TAB2: variants seen among roughly 807,000 people sequenced by gnomAD.
TAB2 encodes the protein TGF-beta-activated kinase 1 and MAP3K7-binding protein 2.
Under a neutral mutation model 65.0 loss-of-function variants are expected in TAB2, and 3 were observed. The ratio of observed to expected loss-of-function variants is 0.05; its 90% CI spans 0.02 to 0.12. The LOEUF is 0.12. TAB2 is among the 10% of genes least tolerant of loss of function. The pLI is 1.00. For synonymous variants in TAB2, 298 were observed against 285.1 expected (o/e 1.05, Z -0.46); for missense variants, 623 against 840.3 (o/e 0.74, Z 3.20).
rs1782805628 is a variant in TAB2 at position 149,410,289 on chromosome 6, T to C, written c.*570T>C. 6.1e-6 allele frequency: 1 copy of C among 163,544 alleles called. No homozygotes were observed. The highest frequency in any genetic ancestry group is 1.7e-4 in the East Asian group (1 of 5,742). The allele number at this position is 163,544 out of a possible 1,614,324, so 10.1% of individuals were successfully genotyped here. ...GAAGCCAGCATCTAGGGGCTAAAGA[T>C]GCAAAGGAAAGCAGCATGCATTGTC... On this transcript the variant is annotated 3_prime_UTR_variant, in exon 7 of 7. Transcript: ENST00000637181.
chr6:149,341,920 T>A (rs1339169327), intron 1 of TAB2, among the ~76,000 whole-genome samples: 2 of 152,104 alleles, frequency 1.3e-5, no homozygotes, highest in African/African-American at 2.4e-5. Flanking sequence ...CATAAGGACA[T>A]CATTTCCAGG....
chr6:149,397,560 G>T, intron 3 of TAB2, 44 bp from the exon 4 acceptor site: 1 of 1,609,126 alleles, frequency 6.2e-7, no homozygotes, highest in South Asian at 1.1e-5. Context: ...AAGGTTAATT[G>T]ATTAAAGTGG....
chr6:149,296,257 C>T (rs149607654), intron 1 of TAB2, among the ~76,000 whole-genome samples: 5 of 152,266 alleles, frequency 3.3e-5, no homozygotes, highest in African/African-American at 7.2e-5. Flanking sequence ...TGGTTGACCC[C>T]CAGGTTGTAG....
chr6:149,329,506 G>A (rs1288314986), intron 1 of TAB2, among the ~76,000 whole-genome samples: 1 of 152,126 alleles, frequency 6.6e-6, no homozygotes, highest in African/African-American at 2.4e-5. Context: ...GAAAGAGGAA[G>A]ACTTCACTTG....
chr6:149,396,364 T>A (rs1271267364), intron 3 of TAB2, among the ~76,000 whole-genome samples: 2 of 152,180 alleles, frequency 1.3e-5, no homozygotes, highest in South Asian at 2.1e-4. Flanking sequence ...AGAACTCTTC[T>A]TTCATTTTTT....
At chr6:149,405,645 A>C (rs1782638581) in intron 6 of TAB2, among the ~76,000 whole-genome samples, 2 of 152,224 alleles carry the variant, frequency 1.3e-5, no homozygotes, top group Admixed American at 6.5e-5. Context: ...CATAAGCCGG[A>C]GAAAGACAAA....
Position 149,396,790 on chromosome 6 carries a change from A to G in TAB2, c.1604-814A>G, listed in dbSNP as rs34625325. ...TGAATATACAAAAATATAAGTGGCA[A>G]TTGGGATAATTTAATGTTAACATTT... is the stretch of plus-strand genomic sequence containing the variant. On this transcript the variant is annotated intron_variant, in intron 3 of 6. Coordinates refer to ENST00000637181, the MANE Select transcript of TAB2 (RefSeq NM_001292034.3). Among the ~76,000 whole-genome samples the G allele has an allele frequency of 4.8e-3, 737 of 152,384 alleles. 3 individuals carry two copies. The highest frequency in any genetic ancestry group is 9.0e-3 in the Non-Finnish European group (611 of 68,028).
At chr6:149,269,740 T>G (rs1207713438) in intron 1 of TAB2, among the ~76,000 whole-genome samples, 2 of 152,228 alleles carry the variant, frequency 1.3e-5, no homozygotes, top group Non-Finnish European at 2.9e-5. Context: ...TTGGTATATA[T>G]GAGATATAGC....
chr6:149,409,912 C>T lies in TAB2; in HGVS notation c.*193C>T. The T allele has an allele frequency of 1.5e-6, 1 of 659,826 alleles. No homozygotes were observed. The highest frequency in any genetic ancestry group is 2.6e-6 in the Non-Finnish European group (1 of 385,100). 40.9% of individuals were successfully genotyped at this position (659,826 alleles called of 1,614,324 possible). A position where few individuals can be genotyped will look rare whatever the true frequency, so the allele number is the denominator to read the frequency against. On this transcript the variant is annotated 3_prime_UTR_variant, in exon 7 of 7. Transcript: ENST00000637181. ...TATAATGTCATGAGCAGTTGAAATT[C>T]ATCACATGAAAAGTAATCTGCTGAA... is the stretch of plus-strand genomic sequence containing the variant.
chr6:149,393,288 T>C (rs1479524656), intron 3 of TAB2, among the ~76,000 whole-genome samples: 1 of 152,224 alleles, frequency 6.6e-6, no homozygotes, highest in Non-Finnish European at 1.5e-5. Context: ...CATAAATAAG[T>C]TGTAAGTAAT....
chr6:149,281,361 C>T (rs1778569795), intron 1 of TAB2, among the ~76,000 whole-genome samples: 1 of 151,672 alleles, frequency 6.6e-6, no homozygotes, highest in Non-Finnish European at 1.5e-5. Context: ...CTAAAGCAAC[C>T]ACTATAATAA....
chr6:149,339,589 A>ATTTTAT (rs1462448974), intron 1 of TAB2, among the ~76,000 whole-genome samples: 1 of 31,442 alleles, frequency 3.2e-5, no homozygotes, highest in African/African-American at 5.9e-5. Context: ...AATCTTTTTT[A>ATTTTAT]TTTATTTATT....
At chr6:149,225,000 AG>A (rs1334808265) in intron 1 of TAB2, among the ~76,000 whole-genome samples, 1 of 152,226 alleles carries the variant, frequency 6.6e-6, no homozygotes, top group East Asian at 1.9e-4. Flanking sequence ...GTTTTGGTCA[AG>A]TGCTTAAAAT....
chr6:149,307,334 G>A (rs1424705178), intron 1 of TAB2, among the ~76,000 whole-genome samples: 1 of 152,146 alleles, frequency 6.6e-6, no homozygotes, highest in Non-Finnish European at 1.5e-5. Context: ...TAGTTCTCTT[G>A]CACCCTAAAG....
At chr6:149,380,770 G>A (rs1222857703) in intron 3 of TAB2, among the ~76,000 whole-genome samples, 2 of 152,192 alleles carry the variant, frequency 1.3e-5, no homozygotes, top group Non-Finnish European at 2.9e-5. Flanking sequence ...GCAGCATGCA[G>A]CCCCTACTGT....
chr6:149,288,645 A>C (rs1562401380), intron 1 of TAB2, among the ~76,000 whole-genome samples: 1 of 152,190 alleles, frequency 6.6e-6, no homozygotes, highest in Non-Finnish European at 1.5e-5. Flanking sequence ...CTATGCATGA[A>C]GGAACTTGAA....
chr6:149,368,645 T>TTGTGTGTGTGTGTGTGTG (rs3056968), intron 1 of TAB2, among the ~76,000 whole-genome samples: 47 of 147,600 alleles, frequency 3.2e-4, no homozygotes, highest in African/African-American at 8.7e-4. Context: ...ATGCGAAAAT[T>TTGTGTGTGTGTGTGTGTG]TGTGTGTGTG....
At chr6:149,253,942 GAGAA>G (rs1554254235) in intron 1 of TAB2, among the ~76,000 whole-genome samples, 2 of 59,116 alleles carry the variant, frequency 3.4e-5, no homozygotes, top group Non-Finnish European at 7.6e-5. Flanking sequence ...AAGAAAGAAA[GAGAA>G]AGAAAGAAAG....
chr6:149,405,905 TGGG>T (rs1387842659), intron 6 of TAB2, among the ~76,000 whole-genome samples: 7 of 152,116 alleles, frequency 4.6e-5, no homozygotes, highest in Admixed American at 3.9e-4. Flanking sequence ...CTCACCACGG[TGGG>T]GGGTGGGGAG....
Sources: gnomAD v4.1 joint callset for allele counts (sites outside exome capture counted in the v4.1 genomes callset) on GRCh38, gnomAD v4.1.1 for gene constraint, MANE v1.5 for transcripts, NCBI Gene and HGNC (gene_info 2026-07-23, HGNC 2026-07-21) for gene names.